Variants in KIF7 observed in about 807,000 individuals in gnomAD.
KIF7 encodes the protein kinesin-like protein KIF7.
Under a neutral mutation model 135.7 loss-of-function variants are expected in KIF7, and 104 were observed. The observed-to-expected ratio is 0.77, with a 90% CI of 0.65 to 0.90. The LOEUF is 0.90. KIF7 is among the 40% of genes least tolerant of loss of function. KIF7 has a pLI of 0.00. For missense variants in KIF7, 2,005 were observed against 1,839.1 expected (o/e 1.09, Z -1.65); for synonymous variants, 883 against 809.4 (o/e 1.09, Z -1.54).
intron 11 of KIF7, among the ~76,000 whole-genome samples, chr15:89,640,609 G>T (rs1963900786): frequency 6.6e-6 from 1 of 152,076 alleles, no homozygotes; most frequent in Non-Finnish European, 1.5e-5. Flanking sequence ...AGAAAATAAG[G>T]ATGGGTGGGC....
chr15:89,649,067 C>T lies in KIF7; in HGVS notation c.830G>A (p.Ser277Asn). ...GACGTTGCCCAGCGCCAGGAGGCTG[C>T]TGTTGATCTGGATGCTCTCCTTGAG... ...ERLKESIQINSSLLALGNVIS... is the reference protein window; with the variant it reads ...ERLKESIQINNSLLALGNVIS... Residue 277 changes from serine to asparagine, a missense_variant, in exon 4 of 19, where the codon AGC (serine) becomes AAC (asparagine). Ser to Asn is a conservative substitution (Grantham distance 46). Transcript: ENST00000394412. The T allele has an allele frequency of 6.5e-7, 1 of 1,547,994 alleles. No homozygotes were observed. The highest frequency in any genetic ancestry group is 8.7e-7 in the Non-Finnish European group (1 of 1,146,736).
intron 1 of KIF7, among the ~76,000 whole-genome samples, chr15:89,618,457 TA>T (rs1291634893): frequency 6.6e-6 from 1 of 152,242 alleles, no homozygotes; most frequent in African/African-American, 2.4e-5. Flanking sequence ...TAAACTGTGT[TA>T]TACAAAGTGC....
chr15:89,626,345 G>A (rs1185371664), downstream of KIF7, among the ~76,000 whole-genome samples: 1 of 152,240 alleles, frequency 6.6e-6, no homozygotes, highest in Non-Finnish European at 1.5e-5. Context: ...TGCAGTCTAA[G>A]AATCTGAACA....
chr15:89,624,853 C>G, downstream of KIF7: 1 of 1,613,998 alleles, frequency 6.2e-7, no homozygotes, highest in Non-Finnish European at 8.5e-7. Flanking sequence ...TTCCTGTGGG[C>G]CTGGCTCTCC....
downstream of KIF7, chr15:89,624,618 A>C (rs1292195040): frequency 2.5e-6 from 4 of 1,613,860 alleles, no homozygotes; most frequent in Non-Finnish European, 3.4e-6. Context: ...CTCCTCCTGA[A>C]AGACGGGGCT....
chr15:89,660,017 T>G (rs181582171), upstream of KIF7, among the ~76,000 whole-genome samples: 53 of 152,234 alleles, frequency 3.5e-4, no homozygotes, highest in Non-Finnish European at 6.5e-4. Flanking sequence ...GCCAACATGC[T>G]GAAAACCCAT....
In KIF7 at chr15:89,652,863, C is replaced by A; in HGVS notation, c.68G>T (p.Arg23Leu). Residue 23 changes from arginine to leucine, a missense_variant, in exon 2 of 19, where the codon CGA (arginine) becomes CTA (leucine). Transcript: ENST00000394412. ...CAGCAGCTCCTTGGGCAGCAGTGGT[C>A]GAACTCGCAGGGCAACCCGCACTGG... ...EAPVRVALRV[R>L]PLLPKELLHG... 1 of 1,546,856 alleles carries A rather than the reference C, an allele frequency of 6.5e-7. No individual in the cohort carries two copies. Among genetic ancestry groups the A allele is most frequent in the Non-Finnish European group, 8.7e-7 (1 of 1,145,280 alleles).
At chr15:89,651,542 A>G (rs2142034558) in intron 2 of KIF7, among the ~76,000 whole-genome samples, 1 of 152,338 alleles carries the variant, frequency 6.6e-6, no homozygotes, top group African/African-American at 2.4e-5. Flanking sequence ...CCAATGATAC[A>G]TTATTAAGAA....
intron 17 of KIF7, 92 bp from the exon 18 acceptor site, chr15:89,629,214 G>A (rs1388958462): frequency 2.6e-6 from 3 of 1,136,910 alleles, no homozygotes; most frequent in African/African-American, 1.8e-5. Context: ...GCTGGGTGGG[G>A]GCCGGGGTTG....
chr15:89,641,737 G>A (rs1242273476), intron 11 of KIF7, among the ~76,000 whole-genome samples: 1 of 152,140 alleles, frequency 6.6e-6, no homozygotes, highest in Non-Finnish European at 1.5e-5. Context: ...GGAGGCGGAG[G>A]TTGCAGTGAG....
chr15:89,634,386 G>A (rs1024016412), intron 11 of KIF7, among the ~76,000 whole-genome samples: 12 of 152,250 alleles, frequency 7.9e-5, no homozygotes, highest in African/African-American at 1.7e-4. Flanking sequence ...CGCAGAAGAC[G>A]GGTGATTTCT....
At chr15:89,626,874 T>C, downstream of KIF7, 1 of 1,480,308 alleles carries the variant, frequency 6.8e-7, no homozygotes, top group South Asian at 1.2e-5. Context: ...TTTTTGTGTG[T>C]AACCCTCTGC....
At chr15:89,659,065 A>G (rs964222540), upstream of KIF7, among the ~76,000 whole-genome samples, 7 of 152,176 alleles carry the variant, frequency 4.6e-5, no homozygotes, top group African/African-American at 1.4e-4. Context: ...ACGAAGGGAA[A>G]GAGTGGTAAT....
rs1259119357 is a variant in KIF7 at position 89,648,318 on chromosome 15, G to T, written c.1380C>A (p.Pro460=). ...CGGAGGCGCTCTCGATGCCGCTATCGGGCCCGGAGGCGGAGCTCAGGGCGC... is the reference window on the plus strand; with the variant it reads ...CGGAGGCGCTCTCGATGCCGCTATCTGGCCCGGAGGCGGAGCTCAGGGCGC... ...ERSALSSASG[P]DSGIESASVE... Residue 460 remains proline, a synonymous_variant, in exon 5 of 19, where the codon CCC becomes CCA. Transcript: ENST00000394412. The T allele has an allele frequency of 2.0e-6, 3 of 1,511,028 alleles. No homozygotes were observed. Among genetic ancestry groups the T allele is most frequent in the Non-Finnish European group, 2.6e-6 (3 of 1,132,456 alleles). The allele number at this position is 1,511,028 out of a possible 1,614,324, so 93.6% of individuals were successfully genotyped here.
At chr15:89,625,616 G>C, downstream of KIF7, 1 of 1,613,268 alleles carries the variant, frequency 6.2e-7, no homozygotes, top group Non-Finnish European at 8.5e-7. Flanking sequence ...GGACAGTTTG[G>C]GTTGAGTTCC....
At chr15:89,623,747 C>A (rs770978140), downstream of KIF7, 13 of 1,614,080 alleles carry the variant, frequency 8.1e-6, no homozygotes, top group Non-Finnish European at 1.1e-5. Context: ...GCAAAAATGA[C>A]CCCTACAAAG....
intron 11 of KIF7, among the ~76,000 whole-genome samples, chr15:89,639,405 T>C (rs1963875015): frequency 7.3e-6 from 1 of 137,098 alleles, no homozygotes; most frequent in Non-Finnish European, 1.6e-5. Context: ...GACAGAGGGC[T>C]AATATCCAGA....
In KIF7 at chr15:89,646,977, G is replaced by GC. The variant is rs770571299; in HGVS notation, c.1640dup (p.Arg549AlafsTer40). 1.1e-5 allele frequency: 17 copies of GC among 1,612,568 alleles called. No individual in the cohort carries two copies. Among genetic ancestry groups the GC allele is most frequent in the East Asian group, 2.2e-5 (1 of 44,836 alleles). ...GAGGCAGGCCATTCAGGAGCCGCGGGCCCCCCCAGCCTGGCCGCACCAGCT... is the reference window on the plus strand; with the variant it reads ...GAGGCAGGCCATTCAGGAGCCGCGGGCCCCCCCCAGCCTGGCCGCACCAGCT... On this transcript the variant is annotated frameshift_variant, in exon 7 of 19. Coordinates refer to ENST00000394412, the MANE Select transcript of KIF7 (RefSeq NM_198525.3). LOFTEE classifies it high-confidence loss of function.
At chr15:89,619,584 A>T in intron 1 of KIF7, 1 of 1,004,686 alleles carries the variant, frequency 1.0e-6, no homozygotes, top group Non-Finnish European at 1.5e-6. Context: ...TCTTAAAGCT[A>T]ATAGCTTGCT....
Sources: gnomAD v4.1 joint callset for allele counts (sites outside exome capture counted in the v4.1 genomes callset) on GRCh38, gnomAD v4.1.1 for gene constraint, MANE v1.5 for transcripts, NCBI Gene and HGNC (gene_info 2026-07-23, HGNC 2026-07-21) for gene names.